The following FAM120A variants were observed in gnomAD, a reference collection of about 807,000 sequenced individuals.
The protein encoded by FAM120A is family with sequence similarity 120 member A, also known as constitutive coactivator of PPAR-gamma-like protein 1.
A neutral mutation model predicts 109.7 loss-of-function variants in FAM120A; 15 were observed. The ratio of observed to expected loss-of-function variants is 0.14; its 90% CI spans 0.09 to 0.21. The LOEUF (loss-of-function observed/expected upper bound fraction) is 0.21, where lower values mean the gene tolerates loss of function less well. FAM120A is among the 10% of genes least tolerant of loss of function. FAM120A has a pLI of 1.00. For synonymous variants in FAM120A, 493 were observed against 572.8 expected, an observed-to-expected ratio of 0.86 and a Z score of 1.99; for missense variants, 899 against 1,439.3, an observed-to-expected ratio of 0.62 and a Z score of 6.07.
chr9:93,481,050 C>T (rs1276396540), intron 3 of FAM120A, among the ~76,000 whole-genome samples: 2 of 152,234 alleles, frequency 1.3e-5, no homozygotes, highest in African/African-American at 4.8e-5. Context: ...ATGCCTGCCT[C>T]CTCCTGTGCC....
chr9:93,558,815 C>T, intron 15 of FAM120A, 97 bp downstream of exon 15: 1 of 1,401,874 alleles, frequency 7.1e-7, no homozygotes, highest in African/African-American at 1.4e-5. Context: ...TCATGAGCCC[C>T]TCCTCCAGCA....
chr9:93,514,634 G>T (rs1860484989), intron 5 of FAM120A, among the ~76,000 whole-genome samples: 1 of 152,148 alleles, frequency 6.6e-6, no homozygotes, highest in African/African-American at 2.4e-5. Flanking sequence ...TAGGCCCTCA[G>T]CACCTAAGTG....
intron 11 of FAM120A, among the ~76,000 whole-genome samples, chr9:93,547,681 T>C (rs534375969): frequency 3.8e-4 from 58 of 152,164 alleles, no homozygotes; most frequent in African/African-American, 1.3e-3. Flanking sequence ...GAAAAGAACA[T>C]GGAGAGAAAA....
intron 5 of FAM120A, among the ~76,000 whole-genome samples, chr9:93,505,006 AG>A (rs1859968733): frequency 7.0e-6 from 1 of 143,492 alleles, no homozygotes; most frequent in Non-Finnish European, 1.5e-5. Context: ...ATGGGCCAGT[AG>A]GGTTTCCTCT....
intron 7 of FAM120A, among the ~76,000 whole-genome samples, chr9:93,522,074 T>G (rs1226836389): frequency 6.6e-6 from 1 of 152,230 alleles, no homozygotes; most frequent in African/African-American, 2.4e-5. Context: ...AGTGAGATCC[T>G]GTTTAAAAAA....
chr9:93,488,243 G>A (rs1859151969), intron 3 of FAM120A, among the ~76,000 whole-genome samples: 1 of 152,210 alleles, frequency 6.6e-6, no homozygotes, highest in East Asian at 1.9e-4. Context: ...TGTTTCCAAT[G>A]GTAGCTCCTG....
At chr9:93,526,833 G>A (rs990935891) in intron 7 of FAM120A, among the ~76,000 whole-genome samples, 8 of 152,158 alleles carry the variant, frequency 5.3e-5, no homozygotes, top group African/African-American at 1.9e-4. Context: ...TTGCTGTGAC[G>A]ATGGAAAGAT....
At chr9:93,459,396 ATTAC>A (rs1273394112) in intron 1 of FAM120A, among the ~76,000 whole-genome samples, 1 of 152,180 alleles carries the variant, frequency 6.6e-6, no homozygotes, top group African/African-American at 2.4e-5. Flanking sequence ...ATCAATGGCC[ATTAC>A]TTAAGTTTTG....
intron 3 of FAM120A, among the ~76,000 whole-genome samples, chr9:93,491,671 CAGTT>C (rs1859327212): frequency 6.6e-6 from 1 of 152,122 alleles, no homozygotes; most frequent in Non-Finnish European, 1.5e-5. Context: ...ATTTCAGTCA[CAGTT>C]AGTGAAATTG....
At chr9:93,554,747 T>A (rs1438879732) in intron 12 of FAM120A, among the ~76,000 whole-genome samples, 1 of 152,218 alleles carries the variant, frequency 6.6e-6, no homozygotes, top group East Asian at 1.9e-4. Flanking sequence ...GCATTTTGTG[T>A]TTTAACATTT....
intron 5 of FAM120A, among the ~76,000 whole-genome samples, chr9:93,507,433 G>A (rs1003825220): frequency 2.0e-5 from 3 of 152,186 alleles, no homozygotes; most frequent in African/African-American, 7.2e-5. Flanking sequence ...GAATGTTGAG[G>A]CGCCTTCTAG....
At chr9:93,521,914 A>G (rs1321394302) in intron 7 of FAM120A, among the ~76,000 whole-genome samples, 1 of 152,106 alleles carries the variant, frequency 6.6e-6, no homozygotes, top group African/African-American at 2.4e-5. Flanking sequence ...CCCTTTCTCT[A>G]CCAAAAAATA....
At chr9:93,502,681 T>C (rs148368756) in intron 5 of FAM120A, among the ~76,000 whole-genome samples, 1 of 152,254 alleles carries the variant, frequency 6.6e-6, no homozygotes, top group East Asian at 1.9e-4. Context: ...GCATACTTAT[T>C]TTTAAGCATT....
chr9:93,469,630 ATCTAT>A lies in FAM120A; in HGVS notation c.475-1504_475-1500del, dbSNP rs1321927884. On this transcript the variant is annotated intron_variant, in intron 1 of 17. Coordinates refer to ENST00000277165, the MANE Select transcript of FAM120A (RefSeq NM_014612.5). Reference sequence around the variant, plus strand: ...AGGCCTAATTTTGGATTTAAAAAAAATCTATTCTATTTTAGCTGGTATACAGTGTT... The same window carrying A: ...AGGCCTAATTTTGGATTTAAAAAAAATCTATTTTAGCTGGTATACAGTGTT... Among the ~76,000 whole-genome samples, 3 of 152,334 alleles carry A rather than the reference ATCTAT, an allele frequency of 2.0e-5. No homozygotes were observed. The East Asian group carries it at 5.8e-4, about 29-fold the overall frequency.
At chr9:93,502,327 CTGG>C (rs1859837335) in intron 5 of FAM120A, among the ~76,000 whole-genome samples, 1 of 152,120 alleles carries the variant, frequency 6.6e-6, no homozygotes, top group South Asian at 2.1e-4. Context: ...CTAAACTTGG[CTGG>C]AATTTTAGAT....
At chr9:93,499,172 C>T (rs921239032) in intron 5 of FAM120A, among the ~76,000 whole-genome samples, 3 of 152,036 alleles carry the variant, frequency 2.0e-5, no homozygotes, top group Non-Finnish European at 2.9e-5. Context: ...CTGAGATATC[C>T]GCTTCTAAAT....
At chr9:93,558,764 C>A (rs371117039) in intron 15 of FAM120A, 46 bp downstream of exon 15, 1 of 1,602,460 alleles carries the variant, frequency 6.2e-7, no homozygotes, top group East Asian at 2.2e-5. Context: ...GCCAGCACTT[C>A]CTTCGCTCCA....
At chr9:93,488,777 T>C (rs1450294996) in intron 3 of FAM120A, among the ~76,000 whole-genome samples, 2 of 152,260 alleles carry the variant, frequency 1.3e-5, no homozygotes, top group East Asian at 3.9e-4. Context: ...GCTTTGATAT[T>C]TTCTGAATTG....
intron 1 of FAM120A, among the ~76,000 whole-genome samples, chr9:93,460,908 C>G (rs1857767048): frequency 6.6e-6 from 1 of 152,152 alleles, no homozygotes; most frequent in Non-Finnish European, 1.5e-5. Flanking sequence ...ACCTTTTATG[C>G]TTCTTAACTT....
Sources: gnomAD v4.1 joint callset for allele counts (sites outside exome capture counted in the v4.1 genomes callset) on GRCh38, gnomAD v4.1.1 for gene constraint, MANE v1.5 for transcripts, NCBI Gene and HGNC (gene_info 2026-07-23, HGNC 2026-07-21) for gene names.